Variants in CNKSR2 observed in about 807,000 individuals in gnomAD.
CNKSR2 encodes the protein CNK homolog protein 2.
In CNKSR2, 14 loss-of-function variants were observed where a neutral mutation model predicts 84.4. The observed-to-expected ratio is 0.17, with a 90% CI of 0.11 to 0.26. CNKSR2 has a LOEUF of 0.26. CNKSR2 is among the 10% of genes least tolerant of loss of function. CNKSR2 has a pLI of 1.00. For missense variants in CNKSR2, 485 were observed against 771.2 expected (o/e 0.63, Z 4.40); for synonymous variants, 275 against 277.9 (o/e 0.99, Z 0.10).
intron 3 of CNKSR2, among the ~76,000 whole-genome samples, chrX:21,434,466 TAAA>T (rs1480616237): frequency 1.8e-5 from 2 of 111,524 alleles, no homozygotes; most frequent in Non-Finnish European, 3.8e-5. Flanking sequence ...CAAAAGCACA[TAAA>T]AACACACCCA....
intron 1 of CNKSR2, among the ~76,000 whole-genome samples, chrX:21,383,455 A>T (rs751544933): frequency 1.8e-5 from 2 of 112,572 alleles, no homozygotes; most frequent in South Asian, 7.2e-4. Flanking sequence ...ATCAAAATTT[A>T]TTTAGTAAAC....
chrX:21,482,462 C>G (rs771647865), intron 5 of CNKSR2, among the ~76,000 whole-genome samples: 1 of 111,880 alleles, frequency 8.9e-6, no homozygotes, highest in African/African-American at 3.2e-5. Context: ...TCTCAAAATT[C>G]TGTGAATATA....
At chrX:21,452,283 G>A (rs766810302) in intron 4 of CNKSR2, among the ~76,000 whole-genome samples, 3 of 110,667 alleles carry the variant, frequency 2.7e-5, no homozygotes, top group South Asian at 3.9e-4. Flanking sequence ...TAGTAGAGAC[G>A]GAGTTTCACC....
chrX:21,431,203 T>C (rs1368228607), intron 2 of CNKSR2, among the ~76,000 whole-genome samples: 1 of 111,867 alleles, frequency 8.9e-6, no homozygotes, highest in Non-Finnish European at 1.9e-5. Context: ...AAATGTTATA[T>C]ACAAAGTAGG....
At chrX:21,649,505 T>C (rs753150685) in intron 21 of CNKSR2, among the ~76,000 whole-genome samples, 18 of 112,680 alleles carry the variant, frequency 1.6e-4, no homozygotes, top group Non-Finnish European at 3.0e-4. Flanking sequence ...GTGTTCCATG[T>C]AGAAATTTTA....
intron 20 of CNKSR2, among the ~76,000 whole-genome samples, chrX:21,626,874 G>A (rs1449778148): frequency 8.9e-6 from 1 of 112,119 alleles, no homozygotes; most frequent in African/African-American, 3.2e-5. Flanking sequence ...TCTAGTCAGA[G>A]GGGTCCAAAT....
At chrX:21,393,849 G>C (rs1041926579) in intron 1 of CNKSR2, among the ~76,000 whole-genome samples, 7 of 112,384 alleles carry the variant, frequency 6.2e-5, no homozygotes, top group African/African-American at 2.3e-4. Flanking sequence ...TCCAGGCTGT[G>C]GGAAATATCT....
chrX:21,461,110 CTG>C (rs1032894942), intron 4 of CNKSR2, among the ~76,000 whole-genome samples: 1 of 112,493 alleles, frequency 8.9e-6, no homozygotes, highest in Non-Finnish European at 1.9e-5. Context: ...AACCTCCAAA[CTG>C]TACTCCATCG....
At chrX:21,438,754 CAG>C (rs1207169962) in intron 3 of CNKSR2, among the ~76,000 whole-genome samples, 1 of 110,654 alleles carries the variant, frequency 9.0e-6, no homozygotes, top group African/African-American at 3.3e-5. Flanking sequence ...TTGCAACAAA[CAG>C]ATATGAAAAG....
chrX:21,520,128 C>A (rs1271267316), intron 9 of CNKSR2, among the ~76,000 whole-genome samples: 4 of 111,549 alleles, frequency 3.6e-5, no homozygotes, highest in Non-Finnish European at 7.6e-5. Flanking sequence ...AATTCAACTT[C>A]ATGCTCACAG....
At chrX:21,412,066 A>G (rs985718532) in intron 1 of CNKSR2, among the ~76,000 whole-genome samples, 2 of 112,252 alleles carry the variant, frequency 1.8e-5, no homozygotes, top group East Asian at 5.6e-4. Context: ...TCTGTGTTGT[A>G]GAAGAATAAA....
intron 21 of CNKSR2, among the ~76,000 whole-genome samples, chrX:21,651,458 A>T (rs1258848174): frequency 9.0e-6 from 1 of 111,533 alleles, no homozygotes; most frequent in Non-Finnish European, 1.9e-5. Flanking sequence ...CCTCTTCCAT[A>T]TTCTGGTCTG....
chrX:21,517,445 G>A (rs188442484), intron 9 of CNKSR2, among the ~76,000 whole-genome samples: 1 of 110,444 alleles, frequency 9.1e-6, no homozygotes, highest in African/African-American at 3.3e-5. Context: ...ACCCTGTAAG[G>A]TGGCAAAAAT....
At chrX:21,595,115 A>G in intron 16 of CNKSR2, 68 bp downstream of exon 16, 1 of 903,245 alleles carries the variant, frequency 1.1e-6, no homozygotes, top group Admixed American at 2.6e-5. Context: ...TTTAAATTAT[A>G]GGTTGCTCAT....
intron 20 of CNKSR2, among the ~76,000 whole-genome samples, chrX:21,635,550 GTGTATATA>G (rs199864654): frequency 0.02 from 2,149 of 106,468 alleles, 53 homozygotes; most frequent in African/African-American, 0.069. Flanking sequence ...ATATGTATAT[GTGTATATA>G]TGTATATATG....
chrX:21,503,517 T>C (rs1317858605), intron 8 of CNKSR2: 1 of 252,846 alleles, frequency 4.0e-6, no homozygotes, highest in African/African-American at 2.8e-5. Flanking sequence ...GAATAATTAT[T>C]CAGCTCACCC....
intron 11 of CNKSR2, among the ~76,000 whole-genome samples, chrX:21,549,846 T>C (rs2092068070): frequency 8.9e-6 from 1 of 112,325 alleles, no homozygotes; most frequent in African/African-American, 3.2e-5. Flanking sequence ...TAAATGGTGC[T>C]GTGAAAACTG....
intron 13 of CNKSR2, among the ~76,000 whole-genome samples, chrX:21,572,460 T>G: frequency 8.9e-6 from 1 of 112,358 alleles, no homozygotes; most frequent in East Asian, 2.8e-4. Flanking sequence ...TTTTAGTTCA[T>G]TCTTATACTG....
At chrX:21,467,037 A>G (rs949873579) in intron 4 of CNKSR2, among the ~76,000 whole-genome samples, 1 of 111,815 alleles carries the variant, frequency 8.9e-6, no homozygotes, top group Non-Finnish European at 1.9e-5. Context: ...GGGAAAAAAT[A>G]ATGAATTGGG....
Sources: gnomAD v4.1 joint callset for allele counts (sites outside exome capture counted in the v4.1 genomes callset) on GRCh38, gnomAD v4.1.1 for gene constraint, MANE v1.5 for transcripts, NCBI Gene and HGNC (gene_info 2026-07-23, HGNC 2026-07-21) for gene names.